BRD4: variants seen among roughly 807,000 people sequenced by gnomAD.
The protein encoded by BRD4 is bromodomain-containing protein 4.
Under a neutral mutation model 142.1 loss-of-function variants are expected in BRD4, and 16 were observed. The observed-to-expected ratio is 0.11, with a 90% CI of 0.08 to 0.17. BRD4 has a LOEUF of 0.17. BRD4 is among the 10% of genes least tolerant of loss of function. BRD4 has a pLI of 1.00. For synonymous variants in BRD4, 833 were observed against 707.5 expected (o/e 1.18, Z -2.82); for missense variants, 1,424 against 1,810.9 (o/e 0.79, Z 3.88).
intron 1 of BRD4, among the ~76,000 whole-genome samples, chr19:15,300,722 T>C (rs888934103): frequency 3.3e-4 from 50 of 151,774 alleles, no homozygotes; most frequent in African/African-American, 1.2e-3. Flanking sequence ...ACAGCCACAC[T>C]GATACCACTG....
At position 15,243,153 on chromosome 19, in the gene BRD4, C is replaced by A. The variant is rs1171935028; in HGVS notation, c.2916G>T (p.Gln972His). The A allele has an allele frequency of 1.3e-6, 1 of 774,824 alleles. No individual in the cohort carries two copies. Among genetic ancestry groups the A allele is most frequent in the Non-Finnish European group, 1.8e-6 (1 of 555,124 alleles). The allele number at this position is 774,824 out of a possible 1,614,324, so 48.0% of individuals were successfully genotyped here. ...GGGGTGGTGGGGGTGGTGGCGGCTG[C>A]TGCTGCAGCTGCTGCTGCACAGAGG... is the stretch of plus-strand genomic sequence containing the variant. ...PHPSVQQQLQ[Q>H]QPPPPPPPQP... Residue 972 changes from glutamine to histidine, a missense_variant, in exon 14 of 20, where the codon CAG becomes CAT. Gln to His is a conservative substitution (Grantham distance 24). This residue lies in a region of BRD4 where 598 missense variants were observed against 647.8 expected (regional missense o/e 0.92). Transcript: ENST00000679869.
At position 15,243,145 on chromosome 19, in the gene BRD4, G is replaced by GGCGGCTGCTGCTGCA. The variant is rs1555735393; in HGVS notation, c.2909_2923dup (p.Leu970_Pro974dup). 3.7e-4 allele frequency: 429 copies of GGCGGCTGCTGCTGCA among 1,165,678 alleles called. 4 individuals carry two copies. The African/African-American group carries it at 6.0e-3, about 16-fold the overall frequency. 72.2% of individuals were successfully genotyped at this position (1,165,678 alleles called of 1,614,324 possible). On this transcript the variant is annotated inframe_insertion, in exon 14 of 20. Transcript: ENST00000679869. The stretch of plus-strand genomic sequence containing the variant: ...CTGGGGCTGGGGTGGTGGGGGTGGT[G>GGCGGCTGCTGCTGCA]GCGGCTGCTGCTGCAGCTGCTGCTG...
chr19:15,322,829 T>A (rs902676680), intron 1 of BRD4, among the ~76,000 whole-genome samples: 16 of 140,114 alleles, frequency 1.1e-4, no homozygotes, highest in Non-Finnish European at 2.1e-4. Flanking sequence ...ACTGCGCCAC[T>A]GCACTCTAGC....
intron 1 of BRD4, among the ~76,000 whole-genome samples, chr19:15,304,622 A>T (rs1431181605): frequency 1.3e-5 from 2 of 152,182 alleles, no homozygotes; most frequent in African/African-American, 4.8e-5. Flanking sequence ...TTCCCAGTTA[A>T]GCGCCAACTT....
At chr19:15,330,243 A>G (rs1036412882) in intron 1 of BRD4, among the ~76,000 whole-genome samples, 1 of 152,158 alleles carries the variant, frequency 6.6e-6, no homozygotes, top group Non-Finnish European at 1.5e-5. Context: ...TTAAGATACT[A>G]TGTTTCCTAC....
intron 1 of BRD4, among the ~76,000 whole-genome samples, chr19:15,311,766 C>A (rs906685366): frequency 2.6e-5 from 4 of 152,146 alleles, no homozygotes; most frequent in Non-Finnish European, 4.4e-5. Context: ...CGCGCCATTG[C>A]ACTCCAGCCT....
rs200345800 is a variant in BRD4, at chr19:15,239,617, C to A, written c.3445+42G>T. On this transcript the variant is annotated intron_variant, in intron 16 of 19. Coordinates refer to ENST00000679869, the MANE Select transcript of BRD4 (RefSeq NM_001379291.1). The surrounding 1 kb of genome is among the most constrained non-coding windows in gnomAD (Gnocchi z 7.4). ...GCAAGCTTATGTCCAACACGGGCCT[C>A]GGGGGGCCTGAGCCCTGGCTGTGGG... The A allele has an allele frequency of 1.3e-6, 2 of 1,557,816 alleles. No individual in the cohort carries two copies. Among genetic ancestry groups the A allele is most frequent in the Non-Finnish European group, 1.7e-6 (2 of 1,160,572 alleles).
intron 1 of BRD4, among the ~76,000 whole-genome samples, chr19:15,296,037 C>A (rs1357089004): frequency 6.6e-6 from 1 of 152,034 alleles, no homozygotes; most frequent in Non-Finnish European, 1.5e-5. Context: ...AGGCACATCA[C>A]AAGGCCAGGA....
chr19:15,302,765 G>A (rs1042005512), intron 1 of BRD4, among the ~76,000 whole-genome samples: 1 of 151,736 alleles, frequency 6.6e-6, no homozygotes, highest in African/African-American at 2.4e-5. Context: ...CAGCACTTTG[G>A]GAGGCCGAGG....
Position 15,243,015 on chromosome 19 carries a change from C to G in BRD4, c.3054G>C (p.Gln1018His), listed in dbSNP as rs2145510429. The change falls in exon 14 of 20, where the codon CAG (glutamine) becomes CAC (histidine). Residue 1018 changes from glutamine (Q) to histidine (H), a missense_variant. Coordinates refer to ENST00000679869, the MANE Select transcript of BRD4 (RefSeq NM_001379291.1). ...GCTGGCCTGGGGGCGGATGGGGGGG[C>G]TGCTGGCCCTGGGGTGGCGGGGGCT... ...IQQPPPPQGQ[Q>H]PPHPPPGQQP... 1 of 1,142,900 alleles carries G rather than the reference C, an allele frequency of 8.7e-7. No individual in the cohort carries two copies. The highest frequency in any genetic ancestry group is 1.1e-6 in the Non-Finnish European group (1 of 892,384). The allele number at this position is 1,142,900 out of a possible 1,614,324, so 70.8% of individuals were successfully genotyped here.
Position 15,244,276 on chromosome 19 carries a change from T to C in BRD4, c.2536A>G (p.Ser846Gly), listed in dbSNP as rs1339893752. ...TGCTGGTTGAGATGGGGTGGAGTGCTGTGCTCAGGCGGCTGGGGCAGGTGA... is the reference window on the plus strand; with the variant it reads ...TGCTGGTTGAGATGGGGTGGAGTGCCGTGCTCAGGCGGCTGGGGCAGGTGA... The part of the protein sequence containing the change: ...PPHLPQPPEH[S>G]TPPHLNQHAV... Residue 846 changes from serine to glycine, a missense_variant, in exon 13 of 20, where the codon AGC (serine) becomes GGC (glycine). Coordinates refer to ENST00000679869, the MANE Select transcript of BRD4 (RefSeq NM_001379291.1). 2 of 1,589,260 alleles carry C rather than the reference T, an allele frequency of 1.3e-6. No individual in the cohort carries two copies. The highest frequency in any genetic ancestry group is 1.1e-5 in the South Asian group (1 of 87,270).
chr19:15,257,219 C>T (rs780229988), intron 7 of BRD4, 46 bp from the exon 8 acceptor site: 24 of 1,532,232 alleles, frequency 1.6e-5, no homozygotes, highest in Admixed American at 1.5e-4. Flanking sequence ...GTACCCAGGC[C>T]GCGGCCTAGC....
In BRD4 at chr19:15,238,505, C is replaced by A; in HGVS notation, c.4021-60G>T. Reference sequence around the variant, plus strand: ...GACCTAGCCACCCTGCAGCTACAAGCCCTCATACCCGCTACCAGCAGTCAG... The same window carrying A: ...GACCTAGCCACCCTGCAGCTACAAGACCTCATACCCGCTACCAGCAGTCAG... On this transcript the variant is annotated intron_variant, in intron 19 of 19. Coordinates refer to ENST00000679869, the MANE Select transcript of BRD4 (RefSeq NM_001379291.1). This position sits in a 1 kb window ranked among gnomAD's most constrained non-coding sequence, Gnocchi z 7.2. The A allele has an allele frequency of 6.2e-7, 1 of 1,611,032 alleles. No individual in the cohort carries two copies. The highest frequency in any genetic ancestry group is 2.2e-5 in the East Asian group (1 of 44,864).
chr19:15,284,001 A>G (rs2047723325), intron 1 of BRD4, among the ~76,000 whole-genome samples: 1 of 152,198 alleles, frequency 6.6e-6, no homozygotes, highest in Non-Finnish European at 1.5e-5. Context: ...GAACAGACAC[A>G]TGCATGAAAG....
intron 1 of BRD4, among the ~76,000 whole-genome samples, chr19:15,309,732 G>T (rs1242393675): frequency 6.6e-6 from 1 of 152,168 alleles, no homozygotes; most frequent in Non-Finnish European, 1.5e-5. Flanking sequence ...TGGGGGTAGG[G>T]GAGGGGAATC....
chr19:15,265,712 G>T (rs2047527512), intron 4 of BRD4, 69 bp from the exon 5 acceptor site: 8 of 1,499,284 alleles, frequency 5.3e-6, no homozygotes, highest in Non-Finnish European at 6.5e-6. Context: ...ACCTCGTGGG[G>T]ACATACACCA....
At chr19:15,262,906 C>A (rs1293414054) in intron 7 of BRD4, among the ~76,000 whole-genome samples, 3 of 152,168 alleles carry the variant, frequency 2.0e-5, no homozygotes, top group Non-Finnish European at 4.4e-5. Flanking sequence ...TCCCCGCCCA[C>A]ACGTGTACTT....
chr19:15,283,040 C>T (rs527804071), intron 1 of BRD4, among the ~76,000 whole-genome samples: 85 of 151,918 alleles, frequency 5.6e-4, no homozygotes, highest in Admixed American at 3.6e-3. Flanking sequence ...GGATTAAAAC[C>T]CTGCTTTGAG....
Position 15,255,280 on chromosome 19 carries a change from A to C in BRD4, c.2047+17T>G, listed in dbSNP as rs572910643. 2.5e-6 allele frequency: 4 copies of C among 1,601,436 alleles called. No individual in the cohort carries two copies. The Admixed American group carries it at 6.7e-5, about 27-fold the overall frequency. On this transcript the variant is annotated intron_variant, in intron 10 of 19. Coordinates refer to ENST00000679869, the MANE Select transcript of BRD4 (RefSeq NM_001379291.1). ...TGCCCACAGAAGGAACCCCATGCCC[A>C]GGGGGCCCAAGCACACCTTGAGGTT...
Sources: gnomAD v4.1 joint callset for allele counts (sites outside exome capture counted in the v4.1 genomes callset) on GRCh38, gnomAD v4.1.1 for gene constraint, gnomAD v4.1.1 regional missense constraint, Gnocchi (gnomAD v3.1) non-coding constraint, MANE v1.5 for transcripts, NCBI Gene and HGNC (gene_info 2026-07-23, HGNC 2026-07-21) for gene names.